The following ERG variants were observed in gnomAD, a reference collection of about 807,000 sequenced individuals.
ERG encodes transcriptional regulator ERG.
Under a neutral mutation model 55.3 loss-of-function variants are expected in ERG, and 9 were observed. The ratio of observed to expected loss-of-function variants is 0.16; its 90% CI spans 0.10 to 0.28. ERG has a LOEUF of 0.28. Among genes scored for constraint, ERG ranks in the 10% least tolerant of loss-of-function variants. The probability of loss-of-function intolerance (pLI) is 1.00; values close to 1 mark genes in which losing one functional copy is unlikely to be tolerated. For missense variants in ERG, 434 were observed against 631.6 expected, an observed-to-expected ratio of 0.69 and a Z score of 3.35; for synonymous variants, 223 against 237.3, an observed-to-expected ratio of 0.94 and a Z score of 0.55.
chr21:38,537,526 G>T (rs1054585179), intron 2 of ERG, among the ~76,000 whole-genome samples: 2 of 151,908 alleles, frequency 1.3e-5, no homozygotes, highest in African/African-American at 4.8e-5. Context: ...GACTTGAACA[G>T]AATTTTTTCC....
chr21:38,489,238 T>TA (rs2059314669), intron 1 of ERG, among the ~76,000 whole-genome samples: 3 of 152,314 alleles, frequency 2.0e-5, no homozygotes, highest in African/African-American at 7.2e-5. Flanking sequence ...AACAAGGCTT[T>TA]AAAAAATGTA....
chr21:38,566,278 G>C (rs775594894), intron 2 of ERG, among the ~76,000 whole-genome samples: 45 of 152,114 alleles, frequency 3.0e-4, no homozygotes, highest in Non-Finnish European at 5.3e-4. Flanking sequence ...GAAAGAGTTG[G>C]GTGTCCCCAT....
At chr21:38,392,259 C>G (rs2146430683) in intron 7 of ERG, 117 bp downstream of exon 7, 1 of 869,444 alleles carries the variant, frequency 1.2e-6, no homozygotes, top group South Asian at 1.4e-5. Flanking sequence ...GTCAATGGAA[C>G]AAACCCATCA....
At chr21:38,467,144 T>C (rs534724043) in intron 1 of ERG, among the ~76,000 whole-genome samples, 34 of 152,142 alleles carry the variant, frequency 2.2e-4, no homozygotes, top group Non-Finnish European at 4.4e-4. Context: ...GGTCCTACCT[T>C]GTAGTTCAAG....
chr21:38,571,285 G>A (rs1294473632), intron 2 of ERG, among the ~76,000 whole-genome samples: 1 of 152,102 alleles, frequency 6.6e-6, no homozygotes, highest in African/African-American at 2.4e-5. Context: ...GCTGAGGTGG[G>A]AGGATTGCTT....
chr21:38,451,463 T>C (rs746402865), intron 1 of ERG, among the ~76,000 whole-genome samples: 4 of 152,228 alleles, frequency 2.6e-5, no homozygotes, highest in Non-Finnish European at 5.9e-5. Flanking sequence ...ATGAGTACTA[T>C]GCAGGAAAAC....
At chr21:38,408,001 CTTTTA>C in intron 3 of ERG, among the ~76,000 whole-genome samples, 1 of 151,586 alleles carries the variant, frequency 6.6e-6, no homozygotes, top group Middle Eastern at 3.4e-3. Flanking sequence ...GTTTCAGTTT[CTTTTA>C]TATTTTGTTA....
intron 1 of ERG, among the ~76,000 whole-genome samples, chr21:38,461,836 C>T (rs1391870560): frequency 2.0e-5 from 3 of 152,218 alleles, no homozygotes; most frequent in African/African-American, 7.2e-5. Context: ...TGAAGTTTCA[C>T]TCTTGTCACC....
intron 2 of ERG, among the ~76,000 whole-genome samples, chr21:38,545,909 T>C (rs1392704321): frequency 1.3e-5 from 2 of 152,230 alleles, no homozygotes; most frequent in Non-Finnish European, 2.9e-5. Flanking sequence ...AAGTCAAAGA[T>C]TGCGAACCAA....
chr21:38,579,626 T>C (rs531318061), intron 1 of ERG, among the ~76,000 whole-genome samples: 1 of 152,078 alleles, frequency 6.6e-6, no homozygotes, highest in East Asian at 1.9e-4. Flanking sequence ...CTCTGCCACA[T>C]TAGAGACCAA....
chr21:38,552,511 A>G (rs2059830786), intron 2 of ERG, among the ~76,000 whole-genome samples: 2 of 152,202 alleles, frequency 1.3e-5, no homozygotes, highest in South Asian at 4.1e-4. Flanking sequence ...TATTCCTGGG[A>G]TGCAAGGTTG....
At position 38,380,803 on chromosome 21, in the gene ERG, A is replaced by G. The variant is rs918357120; in HGVS notation, c.*2600T>C. The G allele has an allele frequency of 3.4e-6, 2 of 579,750 alleles. No individual in the cohort carries two copies. The highest frequency in any genetic ancestry group is 2.2e-4 in the Admixed American group (2 of 9,220). 35.9% of individuals were successfully genotyped at this position (579,750 alleles called of 1,614,324 possible). On this transcript the variant is annotated 3_prime_UTR_variant, in exon 10 of 10. Coordinates refer to ENST00000288319, the MANE Select transcript of ERG (RefSeq NM_182918.4). ...TGGAAAACATCTGTTAAAATTGAAT[A>G]TGATAATCATGTCTTGTTTTTATGA...
chr21:38,395,061 C>G (rs1988145446), intron 6 of ERG, among the ~76,000 whole-genome samples: 1 of 152,198 alleles, frequency 6.6e-6, no homozygotes, highest in Non-Finnish European at 1.5e-5. Context: ...TAACACCAAA[C>G]AGTCTACTTT....
chr21:38,443,403 C>A (rs2058859849), intron 2 of ERG, among the ~76,000 whole-genome samples: 2 of 152,182 alleles, frequency 1.3e-5, no homozygotes, highest in Non-Finnish European at 2.9e-5. Flanking sequence ...TTAGCCTCTG[C>A]AGAAGAAAAG....
intron 3 of ERG, among the ~76,000 whole-genome samples, chr21:38,423,153 C>T (rs1404746489): frequency 1.3e-5 from 2 of 150,672 alleles, no homozygotes; most frequent in Non-Finnish European, 2.9e-5. Flanking sequence ...AAATAAAGAG[C>T]TGGGGCTACA....
intron 1 of ERG, among the ~76,000 whole-genome samples, chr21:38,607,489 G>A (rs1293383024): frequency 2.6e-5 from 4 of 151,932 alleles, no homozygotes; most frequent in African/African-American, 4.8e-5. Context: ...AAAATTAGCC[G>A]GGCATGGTGG....
intron 1 of ERG, among the ~76,000 whole-genome samples, chr21:38,478,583 C>T (rs1239124209): frequency 6.6e-6 from 1 of 152,172 alleles, no homozygotes; most frequent in African/African-American, 2.4e-5. Flanking sequence ...CATGACCTAG[C>T]TCCTAATGTA....
At chr21:38,397,184 C>T (rs1004596038) in intron 6 of ERG, among the ~76,000 whole-genome samples, 2 of 152,042 alleles carry the variant, frequency 1.3e-5, no homozygotes, top group African/African-American at 2.4e-5. Flanking sequence ...TGAACGGCCT[C>T]GGCCAATTGT....
At chr21:38,511,958 C>T (rs551120032) in intron 2 of ERG, among the ~76,000 whole-genome samples, 1 of 152,306 alleles carries the variant, frequency 6.6e-6, no homozygotes, top group African/African-American at 2.4e-5. Context: ...AGTTGAGAAC[C>T]ACTGGAACAG....
Sources: allele counts gnomAD v4.1 joint callset (sites outside exome capture counted in the v4.1 genomes callset), GRCh38; gene constraint gnomAD v4.1.1; transcripts MANE v1.5; gene names NCBI Gene and HGNC (gene_info 2026-07-23, HGNC 2026-07-21).